Variants in COL22A1 observed in about 807,000 individuals in gnomAD.
COL22A1 encodes collagen alpha-1(XXII) chain.
Under a neutral mutation model 248.9 loss-of-function variants are expected in COL22A1, and 221 were observed. The ratio of observed to expected loss-of-function variants is 0.89; its 90% CI spans 0.80 to 0.99. The LOEUF (loss-of-function observed/expected upper bound fraction) is 0.99. Among genes scored for constraint, COL22A1 ranks in the 50% least tolerant of loss-of-function variants. The pLI is 0.00. For missense variants in COL22A1, 2,240 were observed against 2,179.0 expected (o/e 1.03, Z -0.56); for synonymous variants, 891 against 793.4 (o/e 1.12, Z -2.07).
intron 22 of COL22A1, among the ~76,000 whole-genome samples, chr8:138,748,742 G>A (rs1832342271): frequency 1.3e-5 from 2 of 152,180 alleles, no homozygotes; most frequent in Admixed American, 6.5e-5. Flanking sequence ...CTCAGATCAG[G>A]CCAAGCACCA....
At chr8:138,647,337 C>A (rs550350831) in intron 46 of COL22A1, among the ~76,000 whole-genome samples, 1 of 152,202 alleles carries the variant, frequency 6.6e-6, no homozygotes, top group East Asian at 1.9e-4. Flanking sequence ...AACAACCCAG[C>A]GAAACCACTT....
At chr8:138,786,086 T>C (rs1799565269) in intron 12 of COL22A1, among the ~76,000 whole-genome samples, 1 of 152,184 alleles carries the variant, frequency 6.6e-6, no homozygotes, top group Non-Finnish European at 1.5e-5. Context: ...ATTGTCGAAG[T>C]GCTCTGAGTC....
intron 16 of COL22A1, among the ~76,000 whole-genome samples, chr8:138,774,670 C>T (rs1330614507): frequency 2.0e-5 from 3 of 152,148 alleles, no homozygotes; most frequent in African/African-American, 4.8e-5. Flanking sequence ...CCACCTGCCT[C>T]GGCCTCCCAA....
chr8:138,805,922 C>T (rs57379138), intron 10 of COL22A1, among the ~76,000 whole-genome samples: 1,743 of 110,598 alleles, frequency 0.016, 36 homozygotes, highest in African/African-American at 0.058. Context: ...GTGTAGGTGA[C>T]GGTGTGTGAC....
intron 21 of COL22A1, among the ~76,000 whole-genome samples, chr8:138,754,165 C>T (rs1371671062): frequency 1.3e-5 from 2 of 152,122 alleles, no homozygotes; most frequent in Non-Finnish European, 2.9e-5. Context: ...TCAATACTTG[C>T]CAATAATAGA....
rs1823217661 is a variant in COL22A1 at position 138,655,949 on chromosome 8, CA to C, written c.3286-6del. 1.9e-6 allele frequency: 3 copies of C among 1,610,448 alleles called. No individual in the cohort carries two copies. Among genetic ancestry groups the C allele is most frequent in the Non-Finnish European group, 2.5e-6 (3 of 1,177,330 alleles). On this transcript the variant is annotated splice_region_variant and splice_polypyrimidine_tract_variant and intron_variant, in intron 44 of 64. Coordinates refer to ENST00000303045, the MANE Select transcript of COL22A1 (RefSeq NM_152888.3). ...AGACAGTAGTGAAGAGAGGCCCTGT[CA>C]AAATAAAAAGAAACAAACACATACG...
intron 11 of COL22A1, among the ~76,000 whole-genome samples, chr8:138,799,333 C>T (rs898942985): frequency 2.0e-5 from 3 of 152,168 alleles, no homozygotes; most frequent in African/African-American, 7.2e-5. Flanking sequence ...CAGGCAGTTT[C>T]TCTTGTCTGC....
chr8:138,801,813 G>A, intron 11 of COL22A1, among the ~76,000 whole-genome samples: 1 of 152,056 alleles, frequency 6.6e-6, no homozygotes, highest in Non-Finnish European at 1.5e-5. Context: ...TTGGGAGGCG[G>A]AGGTTGCAGT....
At chr8:138,909,769 G>A (rs1472587192) in intron 1 of COL22A1, among the ~76,000 whole-genome samples, 1 of 152,144 alleles carries the variant, frequency 6.6e-6, no homozygotes, top group Non-Finnish European at 1.5e-5. Context: ...TGGGCTGGCA[G>A]GGCCACCCTC....
Position 138,709,030 on chromosome 8 carries a change from T to C in COL22A1, c.2518-5683A>G, listed in dbSNP as rs192054167. Among the ~76,000 whole-genome samples the C allele has an allele frequency of 7.4e-3, 1,119 of 152,160 alleles. 14 individuals carry two copies. The highest frequency in any genetic ancestry group is 0.026 in the African/African-American group (1,068 of 41,528). On this transcript the variant is annotated intron_variant, in intron 30 of 64. Transcript: ENST00000303045. ...GACATTTATGCAGCCAACAGACACA[T>C]GAAAAAATGCTCATCATTGCTGGTC...
chr8:138,625,972 G>T (rs1013464251), intron 51 of COL22A1, among the ~76,000 whole-genome samples: 1 of 152,012 alleles, frequency 6.6e-6, no homozygotes, highest in Non-Finnish European at 1.5e-5. Context: ...ACCAATATAC[G>T]CCTAAAAGAA....
chr8:138,652,635 C>CTAGCA (rs914108682), intron 45 of COL22A1, among the ~76,000 whole-genome samples: 2 of 151,312 alleles, frequency 1.3e-5, no homozygotes, highest in Non-Finnish European at 2.9e-5. Context: ...TACAAAGTGC[C>CTAGCA]TAGCATATTT....
chr8:138,832,933 G>T, intron 5 of COL22A1, 106 bp downstream of exon 5: 1 of 722,590 alleles, frequency 1.4e-6, no homozygotes, highest in South Asian at 1.7e-5. Context: ...GCACTGAGAA[G>T]GTTAAAGCCC....
At chr8:138,792,822 C>T (rs766853863) in intron 12 of COL22A1, among the ~76,000 whole-genome samples, 2 of 152,154 alleles carry the variant, frequency 1.3e-5, no homozygotes, top group African/African-American at 2.4e-5. Flanking sequence ...GTTTCCTTAG[C>T]TGCCAAAGAA....
chr8:138,908,639 G>T (rs188861359), intron 1 of COL22A1, among the ~76,000 whole-genome samples: 1 of 152,118 alleles, frequency 6.6e-6, no homozygotes, highest in Admixed American at 6.5e-5. Context: ...TGTAAAGGGG[G>T]TAACAGCATA....
At chr8:138,798,681 C>T (rs1816757558) in intron 11 of COL22A1, among the ~76,000 whole-genome samples, 2 of 152,150 alleles carry the variant, frequency 1.3e-5, no homozygotes, top group African/African-American at 4.8e-5. Context: ...TGCCTTCTAG[C>T]CTCAATCATT....
intron 27 of COL22A1, among the ~76,000 whole-genome samples, chr8:138,720,520 T>G (rs556304059): frequency 6.6e-6 from 1 of 152,268 alleles, no homozygotes; most frequent in African/African-American, 2.4e-5. Flanking sequence ...CTCTGGTGCC[T>G]TCTGTCCTAG....
intron 12 of COL22A1, among the ~76,000 whole-genome samples, chr8:138,791,713 T>C (rs1458395934): frequency 6.6e-6 from 1 of 152,220 alleles, no homozygotes; most frequent in Non-Finnish European, 1.5e-5. Context: ...CCCAGGAAGC[T>C]GGAAGAACCT....
intron 12 of COL22A1, among the ~76,000 whole-genome samples, chr8:138,785,376 C>T (rs1246828383): frequency 6.6e-6 from 1 of 150,862 alleles, no homozygotes; most frequent in East Asian, 1.9e-4. Context: ...TCCAGGGACA[C>T]CAGTCCATGA....
Sources: gnomAD v4.1 joint callset for allele counts (sites outside exome capture counted in the v4.1 genomes callset) on GRCh38, gnomAD v4.1.1 for gene constraint, MANE v1.5 for transcripts, NCBI Gene and HGNC (gene_info 2026-07-23, HGNC 2026-07-21) for gene names.